SUCO: variants seen among roughly 807,000 people sequenced by gnomAD.
The protein encoded by SUCO is SUN domain-containing ossification factor.
A neutral mutation model predicts 148.1 loss-of-function variants in SUCO; 57 were observed. The ratio of observed to expected loss-of-function variants is 0.38; its 90% confidence interval spans 0.31 to 0.48. The LOEUF (loss-of-function observed/expected upper bound fraction) is 0.48. SUCO is among the 20% of genes least tolerant of loss of function. The probability of loss-of-function intolerance (pLI) is 0.96; values close to 1 mark genes in which losing one functional copy is unlikely to be tolerated. For synonymous variants in SUCO, 470 were observed against 502.7 expected, an observed-to-expected ratio of 0.93 and a Z score of 0.87; for missense variants, 1,331 against 1,468.2, an observed-to-expected ratio of 0.91 and a Z score of 1.53.
chr1:172,543,343 T>G (rs1447144128), intron 1 of SUCO, among the ~76,000 whole-genome samples: 1 of 152,218 alleles, frequency 6.6e-6, no homozygotes, highest in East Asian at 1.9e-4. Context: ...TAGTCTCTAA[T>G]TGAAAATTAA....
At chr1:172,550,099 G>A (rs1571192661) in intron 1 of SUCO, among the ~76,000 whole-genome samples, 1 of 151,856 alleles carries the variant, frequency 6.6e-6, no homozygotes, top group East Asian at 1.9e-4. Flanking sequence ...GTCACCCTGG[G>A]GGTTTCCTTT....
intron 1 of SUCO, among the ~76,000 whole-genome samples, chr1:172,536,093 A>G (rs1471368206): frequency 2.0e-5 from 3 of 152,224 alleles, no homozygotes; most frequent in South Asian, 4.1e-4. Flanking sequence ...TTACTTGACA[A>G]TAACACCTTT....
intron 15 of SUCO, among the ~76,000 whole-genome samples, chr1:172,581,939 T>C (rs1655909881): frequency 6.6e-6 from 1 of 152,240 alleles, no homozygotes; most frequent in African/African-American, 2.4e-5. Context: ...GAAGCTGTTA[T>C]CTTAGAGCAG....
chr1:172,544,826 A>G (rs1017674611), intron 1 of SUCO, among the ~76,000 whole-genome samples: 1 of 152,192 alleles, frequency 6.6e-6, no homozygotes, highest in African/African-American at 2.4e-5. Flanking sequence ...GGAGTCTGTA[A>G]AAGGTCTTAA....
chr1:172,596,475 C>T (rs1174743747), intron 19 of SUCO, among the ~76,000 whole-genome samples: 4 of 152,164 alleles, frequency 2.6e-5, no homozygotes, highest in African/African-American at 2.4e-5. Flanking sequence ...GGTGGAATGT[C>T]CTTCCTGTTT....
At chr1:172,575,145 C>G (rs567590278) in intron 10 of SUCO, among the ~76,000 whole-genome samples, 2 of 152,008 alleles carry the variant, frequency 1.3e-5, no homozygotes, top group African/African-American at 4.8e-5. Context: ...TTCCCATTCT[C>G]TTTCCACCAG....
Position 172,555,991 on chromosome 1 carries a change from T to A in SUCO, c.411T>A (p.Ser137=). ...SETVENISSS[S]TSEITPISKL... ...CTGTTGAAAATATTTCCAGCTCATC[T>A]ACCTCAGAAATCACTCCAATCTCAA... The change falls in exon 4 of 24, where the codon TCT becomes TCA. Residue 137 remains serine, a synonymous_variant. Transcript: ENST00000263688. 6.2e-7 allele frequency: 1 copy of A among 1,613,354 alleles called. No individual in the cohort carries two copies. The highest frequency in any genetic ancestry group is 8.5e-7 in the Non-Finnish European group (1 of 1,179,674).
chr1:172,605,085 A>G (rs769012709), intron 22 of SUCO, among the ~76,000 whole-genome samples: 4 of 151,790 alleles, frequency 2.6e-5, no homozygotes, highest in Non-Finnish European at 5.9e-5. Flanking sequence ...TATAACCCCC[A>G]TTAGATAATA....
chr1:172,544,766 A>G (rs1382217881), intron 1 of SUCO, among the ~76,000 whole-genome samples: 1 of 152,164 alleles, frequency 6.6e-6, no homozygotes, highest in Admixed American at 6.5e-5. Flanking sequence ...AATTTTAGAG[A>G]TTTTTAAATA....
chr1:172,587,948 C>A, intron 17 of SUCO: 2 of 273,962 alleles, frequency 7.3e-6, no homozygotes, highest in Non-Finnish European at 1.1e-5. Flanking sequence ...TCCCCCCACT[C>A]TCCTGTATGC....
At chr1:172,586,054 G>C (rs1656217490) in intron 17 of SUCO, 106 bp downstream of exon 17, 1 of 676,936 alleles carries the variant, frequency 1.5e-6, no homozygotes, top group Admixed American at 3.0e-5. Context: ...ATTACCTGTA[G>C]AGAGCTCTGA....
Position 172,570,068 on chromosome 1 carries a change from C to A in SUCO, c.878C>A (p.Ser293Tyr). Residue 293 changes from serine to tyrosine, a missense_variant, in exon 8 of 24, where the codon TCT becomes TAT. Physicochemically the swap from Ser to Tyr is moderately radical, Grantham distance 144. This residue lies in a region of SUCO where 992 missense variants were observed against 1,093.5 expected (regional missense o/e 0.91). Transcript: ENST00000263688. ...KEKSQSMHAS[S>Y]NGGSHATKKV... ...GCAGGTCAGTCGATGCATGCATCTT[C>A]TAATGGAGGTTCACATGCCACCAAA... The A allele has an allele frequency of 6.3e-7, 1 of 1,578,736 alleles. No homozygotes were observed. The highest frequency in any genetic ancestry group is 1.7e-5 in the Admixed American group (1 of 58,128).
intron 17 of SUCO, chr1:172,588,334 C>T: frequency 1.0e-6 from 1 of 985,242 alleles, no homozygotes; most frequent in South Asian, 4.7e-5. Flanking sequence ...AGCTCTGGAC[C>T]TTATTTAAGC....
chr1:172,599,928 A>G lies in SUCO; in HGVS notation c.2914-136A>G. 6.6e-6 allele frequency: 4 copies of G among 605,686 alleles called. 1 individual carries two copies. The South Asian group carries it at 1.0e-4, about 15-fold the overall frequency. The allele number at this position is 605,686 out of a possible 1,614,324, so 37.5% of individuals were successfully genotyped here. ...TTTCTAAAATTTCTGTTCAAAGTTTACTTACTCATTGAGATTCCTATTAAT... is the reference window on the plus strand; with the variant it reads ...TTTCTAAAATTTCTGTTCAAAGTTTGCTTACTCATTGAGATTCCTATTAAT... On this transcript the variant is annotated intron_variant, in intron 19 of 23. Transcript: ENST00000263688.
chr1:172,570,766 A>G (rs1236112129), intron 9 of SUCO, 36 bp downstream of exon 9: 2 of 1,180,736 alleles, frequency 1.7e-6, no homozygotes, highest in Middle Eastern at 1.9e-4. Context: ...TACATTCTAC[A>G]TATATATGCA....
intron 6 of SUCO, among the ~76,000 whole-genome samples, chr1:172,562,207 A>C (rs1218339227): frequency 6.6e-6 from 1 of 152,236 alleles, no homozygotes; most frequent in South Asian, 2.1e-4. Context: ...AGGAGCTCAC[A>C]AAAAAAGCTA....
chr1:172,567,894 C>G (rs1333033417), intron 6 of SUCO, among the ~76,000 whole-genome samples: 1 of 152,202 alleles, frequency 6.6e-6, no homozygotes, highest in African/African-American at 2.4e-5. Context: ...TGCCCCAACC[C>G]CCAGGCCACA....
At chr1:172,550,602 T>C (rs1037940633) in intron 1 of SUCO, among the ~76,000 whole-genome samples, 25 of 152,018 alleles carry the variant, frequency 1.6e-4, no homozygotes, top group Admixed American at 2.6e-4. Flanking sequence ...ATGCCTCTTT[T>C]ATCTTCATGT....
chr1:172,539,192 CTT>C (rs911580523), intron 1 of SUCO, among the ~76,000 whole-genome samples: 2 of 152,078 alleles, frequency 1.3e-5, no homozygotes, highest in Non-Finnish European at 2.9e-5. Context: ...GAAAGGGAAA[CTT>C]ATAAAAATTT....
Sources: gnomAD v4.1 joint callset for allele counts (sites outside exome capture counted in the v4.1 genomes callset) on GRCh38, gnomAD v4.1.1 for gene constraint, gnomAD v4.1.1 regional missense constraint, MANE v1.5 for transcripts, NCBI Gene and HGNC (gene_info 2026-07-23, HGNC 2026-07-21) for gene names.